The following USH2A variants were observed in gnomAD, a reference collection of about 807,000 sequenced individuals.
USH2A encodes Usher syndrome 2A (autosomal recessive, mild).
USH2A carries 443 observed loss-of-function variants against 538.9 expected under a neutral mutation model. The ratio of observed to expected loss-of-function variants is 0.82; its 90% CI spans 0.76 to 0.89. The LOEUF is 0.89. Among genes scored for constraint, USH2A ranks in the 40% least tolerant of loss-of-function variants. USH2A has a pLI of 0.00. For synonymous variants in USH2A, 2,413 were observed against 2,273.5 expected, an observed-to-expected ratio of 1.06 and a Z score of -1.75; for missense variants, 6,633 against 6,324.8, an observed-to-expected ratio of 1.05 and a Z score of -1.65.
At chr1:215,635,045 T>C (rs776928526) in intron 69 of USH2A, among the ~76,000 whole-genome samples, 2 of 152,172 alleles carry the variant, frequency 1.3e-5, no homozygotes, top group Non-Finnish European at 2.9e-5. Context: ...ACCTGTTTCA[T>C]AGCTGTGTGT....
At chr1:216,356,233 A>G (rs1249673632) in intron 4 of USH2A, among the ~76,000 whole-genome samples, 1 of 152,100 alleles carries the variant, frequency 6.6e-6, no homozygotes, top group Non-Finnish European at 1.5e-5. Flanking sequence ...TCCATGTGAC[A>G]AGTACAGAAT....
intron 3 of USH2A, among the ~76,000 whole-genome samples, chr1:216,368,116 CA>C (rs1261765467): frequency 6.6e-6 from 1 of 152,092 alleles, no homozygotes; most frequent in Admixed American, 6.6e-5. Context: ...TCATTCTCTT[CA>C]GTTTCATATT....
intron 35 of USH2A, among the ~76,000 whole-genome samples, chr1:215,980,907 T>C (rs888740530): frequency 6.6e-6 from 1 of 152,198 alleles, no homozygotes. Context: ...AATGTAATTA[T>C]ACACATTTTT....
intron 41 of USH2A, among the ~76,000 whole-genome samples, chr1:215,880,419 T>C (rs1664874925): frequency 6.6e-6 from 1 of 152,224 alleles, no homozygotes; most frequent in South Asian, 2.1e-4. Context: ...CAAATTATAC[T>C]ACAGGGGATG....
chr1:216,249,324 A>T, intron 12 of USH2A, among the ~76,000 whole-genome samples: 1 of 152,212 alleles, frequency 6.6e-6, no homozygotes, highest in South Asian at 2.1e-4. Flanking sequence ...GGCATTATAC[A>T]TTCTAAATTA....
rs748940430 is a variant in USH2A at position 215,838,097 on chromosome 1, C to T, written c.9265G>A (p.Val3089Ile). The T allele has an allele frequency of 7.4e-6, 12 of 1,613,064 alleles. No homozygotes were observed. In the East Asian group the frequency reaches 2.5e-4, roughly 33 times the overall value. ...TTCACGCAGGCATATATTGTGCAGACTTCAACCTGCAAACATTAGTTTAGA... is the reference window on the plus strand; with the variant it reads ...TTCACGCAGGCATATATTGTGCAGATTTCAACCTGCAAACATTAGTTTAGA... ...PFTIYDIQVEVCTIYACVKSN... is the reference protein window; with the variant it reads ...PFTIYDIQVEICTIYACVKSN... Residue 3089 changes from valine (V) to isoleucine (I), a missense_variant, in exon 47 of 72, where the codon GTC becomes ATC. Coordinates refer to ENST00000307340, the MANE Select transcript of USH2A (RefSeq NM_206933.4).
intron 11 of USH2A, among the ~76,000 whole-genome samples, chr1:216,271,959 T>G (rs1176035120): frequency 1.3e-5 from 2 of 152,166 alleles, no homozygotes; most frequent in African/African-American, 4.8e-5. Context: ...TGGAATATTC[T>G]AATGGGCTTT....
At chr1:215,929,967 C>T (rs141177153) in intron 38 of USH2A, among the ~76,000 whole-genome samples, 1 of 151,904 alleles carries the variant, frequency 6.6e-6, no homozygotes, top group Non-Finnish European at 1.5e-5. Context: ...CGAAAAGACC[C>T]TGTAAAACAA....
At position 216,321,901 on chromosome 1, in the gene USH2A, G is replaced by C; in HGVS notation, c.1626C>G (p.Ser542Arg). The C allele has an allele frequency of 6.2e-7, 1 of 1,613,756 alleles. No individual in the cohort carries two copies. Among genetic ancestry groups the C allele is most frequent in the Non-Finnish European group, 8.5e-7 (1 of 1,179,834 alleles). The change falls in exon 9 of 72, where the codon AGC (serine) becomes AGG (arginine). Residue 542 changes from serine to arginine, a missense_variant. By Grantham distance (110) the Ser-to-Arg change is moderately radical. Transcript: ENST00000307340. ...QPYRCLCSQE[S>R]FTEGLHCDRC... ...AACTCACATGAAGTCCTTCAGTGAAGCTCTCCTGGGAGCAGAGGCATCTAT... is the reference window on the plus strand; with the variant it reads ...AACTCACATGAAGTCCTTCAGTGAACCTCTCCTGGGAGCAGAGGCATCTAT...
intron 61 of USH2A, among the ~76,000 whole-genome samples, chr1:215,698,670 A>T (rs1415846472): frequency 6.6e-6 from 1 of 151,722 alleles, no homozygotes; most frequent in Non-Finnish European, 1.5e-5. Context: ...TGATGAGGTT[A>T]TTTGTTTTTT....
chr1:215,840,411 C>G (rs1663646482), intron 46 of USH2A, among the ~76,000 whole-genome samples: 1 of 152,040 alleles, frequency 6.6e-6, no homozygotes, highest in South Asian at 2.1e-4. Flanking sequence ...TATTCCTGGA[C>G]TGCAAAAAGC....
At chr1:216,102,793 C>A (rs1231840947) in intron 21 of USH2A, among the ~76,000 whole-genome samples, 1 of 151,428 alleles carries the variant, frequency 6.6e-6, no homozygotes, top group African/African-American at 2.5e-5. Context: ...GAACGAGATT[C>A]CGTCTCAAAA....
At position 216,084,681 on chromosome 1, in the gene USH2A, C is replaced by T; in HGVS notation, c.5167+17G>A. 6.2e-7 allele frequency: 1 copy of T among 1,611,842 alleles called. No homozygotes were observed. Among genetic ancestry groups the T allele is most frequent in the South Asian group, 1.1e-5 (1 of 91,052 alleles). Reference sequence around the variant, plus strand: ...ATAGATTTTAAGTGAACACTCATGTCTTTTTTAGAGCATTACCTGCTCCTA... The same window carrying T: ...ATAGATTTTAAGTGAACACTCATGTTTTTTTTAGAGCATTACCTGCTCCTA... On this transcript the variant is annotated intron_variant, in intron 25 of 71. Coordinates refer to ENST00000307340, the MANE Select transcript of USH2A (RefSeq NM_206933.4).
chr1:216,254,449 C>T (rs2036222371), intron 11 of USH2A, among the ~76,000 whole-genome samples: 1 of 152,126 alleles, frequency 6.6e-6, no homozygotes, highest in Non-Finnish European at 1.5e-5. Flanking sequence ...TTGGTACGAT[C>T]CTTCCACAAT....
intron 37 of USH2A, among the ~76,000 whole-genome samples, chr1:215,939,150 T>C (rs755065191): frequency 4.6e-5 from 7 of 152,212 alleles, no homozygotes; most frequent in Non-Finnish European, 8.8e-5. Flanking sequence ...TCAGGGTTTC[T>C]GATTTAAGTA....
chr1:216,380,565 T>C (rs191424519), intron 3 of USH2A, among the ~76,000 whole-genome samples: 1 of 151,954 alleles, frequency 6.6e-6, no homozygotes, highest in African/African-American at 2.4e-5. Flanking sequence ...AGGCTAAGAG[T>C]GAATATATCT....
intron 61 of USH2A, among the ~76,000 whole-genome samples, chr1:215,691,293 A>T (rs1658598784): frequency 6.6e-6 from 1 of 152,142 alleles, no homozygotes; most frequent in Admixed American, 6.5e-5. Context: ...TAGTTCCTCA[A>T]GTTATTCATA....
chr1:215,986,697 C>G (rs1667881990), intron 35 of USH2A, among the ~76,000 whole-genome samples: 3 of 152,182 alleles, frequency 2.0e-5, no homozygotes, highest in African/African-American at 4.8e-5. Context: ...ATCATCCCAC[C>G]TATATTACAT....
chr1:216,134,237 C>T (rs1043959404), intron 21 of USH2A, among the ~76,000 whole-genome samples: 2 of 152,006 alleles, frequency 1.3e-5, no homozygotes, highest in Non-Finnish European at 2.9e-5. Context: ...GAAAATTCTT[C>T]TCATATTTCT....
Sources: gnomAD v4.1 joint callset for allele counts (sites outside exome capture counted in the v4.1 genomes callset) on GRCh38, gnomAD v4.1.1 for gene constraint, MANE v1.5 for transcripts, NCBI Gene and HGNC (gene_info 2026-07-23, HGNC 2026-07-21) for gene names.